Variants in CPNE4 observed in about 807,000 individuals in gnomAD.
CPNE4 encodes the protein copine 4.
In CPNE4, 25 loss-of-function variants were observed where a neutral mutation model predicts 67.9. The ratio of observed to expected loss-of-function variants is 0.37; its 90% CI spans 0.27 to 0.51. The LOEUF (loss-of-function observed/expected upper bound fraction) is 0.51. CPNE4 is among the 20% of genes least tolerant of loss of function. The pLI is 0.93. For synonymous variants in CPNE4, 242 were observed against 244.9 expected (o/e 0.99, Z 0.11); for missense variants, 464 against 690.8 (o/e 0.67, Z 3.68).
intron 1 of CPNE4, among the ~76,000 whole-genome samples, chr3:132,026,012 T>G (rs1021003457): frequency 6.6e-5 from 10 of 152,374 alleles, no homozygotes; most frequent in African/African-American, 2.4e-4. Flanking sequence ...ATATATGTTG[T>G]ATTACAGATA....
At chr3:131,994,564 A>G (rs369932874) in intron 1 of CPNE4, among the ~76,000 whole-genome samples, 34 of 152,320 alleles carry the variant, frequency 2.2e-4, no homozygotes, top group African/African-American at 7.7e-4. Context: ...TTTCACTTCC[A>G]GCCCTTCAAA....
chr3:131,968,014 A>T (rs1299319264), intron 1 of CPNE4, among the ~76,000 whole-genome samples: 2 of 152,230 alleles, frequency 1.3e-5, no homozygotes, highest in Non-Finnish European at 2.9e-5. Context: ...ACACATATAT[A>T]GACCAACGGA....
At chr3:131,768,643 T>C (rs2083085218) in intron 2 of CPNE4, among the ~76,000 whole-genome samples, 1 of 152,188 alleles carries the variant, frequency 6.6e-6, no homozygotes, top group Non-Finnish European at 1.5e-5. Flanking sequence ...TGGCTCCCTC[T>C]GATCAGCTGT....
intron 1 of CPNE4, among the ~76,000 whole-genome samples, chr3:131,989,194 G>A (rs921116580): frequency 6.6e-6 from 1 of 152,222 alleles, no homozygotes; most frequent in Non-Finnish European, 1.5e-5. Context: ...ATAAGAAGCA[G>A]ACCTGGATGC....
At chr3:131,856,551 G>A (rs1318779134) in intron 2 of CPNE4, among the ~76,000 whole-genome samples, 2 of 151,982 alleles carry the variant, frequency 1.3e-5, no homozygotes, top group Admixed American at 6.6e-5. Flanking sequence ...TAGAAGATGG[G>A]ATGTTCACAT....
At chr3:131,864,017 G>A in intron 2 of CPNE4, among the ~76,000 whole-genome samples, 1 of 152,034 alleles carries the variant, frequency 6.6e-6, no homozygotes, top group Non-Finnish European at 1.5e-5. Flanking sequence ...GATAGTTGTA[G>A]ATATGCGGCA....
chr3:131,819,491 TACACACACACACAC>T (rs5852655), intron 2 of CPNE4, among the ~76,000 whole-genome samples: 7 of 146,276 alleles, frequency 4.8e-5, no homozygotes, highest in South Asian at 2.2e-4. Context: ...CACACACAGA[TACACACACACACAC>T]ACACACACAC....
chr3:131,603,636 T>C (rs1939336322), intron 7 of CPNE4, among the ~76,000 whole-genome samples: 2 of 152,154 alleles, frequency 1.3e-5, no homozygotes, highest in South Asian at 4.1e-4. Flanking sequence ...GCTGTGCTAG[T>C]TCCAGAGCTC....
intron 1 of CPNE4, among the ~76,000 whole-genome samples, chr3:132,028,303 A>AT (rs2074158869): frequency 6.6e-6 from 1 of 152,154 alleles, no homozygotes; most frequent in African/African-American, 2.4e-5. Context: ...GACAAACCAA[A>AT]TATCTCCTTC....
At chr3:131,642,629 T>C (rs1184347980) in intron 7 of CPNE4, among the ~76,000 whole-genome samples, 1 of 152,172 alleles carries the variant, frequency 6.6e-6, no homozygotes, top group African/African-American at 2.4e-5. Flanking sequence ...TGGGAGGTAA[T>C]TGAATCGTGG....
At chr3:131,964,110 T>A (rs1237821649) in intron 1 of CPNE4, among the ~76,000 whole-genome samples, 1 of 151,984 alleles carries the variant, frequency 6.6e-6, no homozygotes, top group Non-Finnish European at 1.5e-5. Flanking sequence ...CCAGCAAACT[T>A]CAGCAGACCT....
At chr3:131,764,571 C>A (rs962876835) in intron 2 of CPNE4, among the ~76,000 whole-genome samples, 4 of 152,118 alleles carry the variant, frequency 2.6e-5, no homozygotes, top group Non-Finnish European at 5.9e-5. Context: ...TACATTCCCA[C>A]ATTCCTGCTA....
intron 3 of CPNE4, among the ~76,000 whole-genome samples, chr3:131,717,923 T>C (rs1053543005): frequency 1.4e-5 from 2 of 141,496 alleles, no homozygotes; most frequent in East Asian, 2.1e-4. Context: ...TCTTTCTTTC[T>C]TTCTTTCTTT....
intron 1 of CPNE4, among the ~76,000 whole-genome samples, chr3:131,925,973 T>C (rs2070882801): frequency 6.6e-6 from 1 of 152,190 alleles, no homozygotes; most frequent in South Asian, 2.1e-4. Context: ...TGATTCTTTC[T>C]TCTCTGCAGA....
intron 3 of CPNE4, among the ~76,000 whole-genome samples, chr3:131,704,833 C>T (rs1432515442): frequency 1.3e-5 from 2 of 152,140 alleles, no homozygotes; most frequent in Non-Finnish European, 1.5e-5. Context: ...TCTAAGGTCA[C>T]TTAGTGTTAT....
intron 2 of CPNE4, among the ~76,000 whole-genome samples, chr3:131,771,826 G>T (rs558074721): frequency 1.3e-5 from 2 of 152,208 alleles, no homozygotes; most frequent in East Asian, 3.9e-4. Flanking sequence ...ATCTGAAAAT[G>T]GCTTCATGTG....
At chr3:131,799,924 TGTGTG>T (rs2084038644) in intron 2 of CPNE4, among the ~76,000 whole-genome samples, 6 of 7,254 alleles carry the variant, frequency 8.3e-4, no homozygotes, top group African/African-American at 2.6e-3. Context: ...GTGTGTTGTG[TGTGTG>T]TGTGTGTGTG....
In CPNE4 at chr3:131,916,364, A is replaced by G. The variant is rs895406440; in HGVS notation, c.-1-10920T>C. Among the ~76,000 whole-genome samples, 46 of 152,076 alleles carry G rather than the reference A, an allele frequency of 3.0e-4. 1 individual carries two copies. The highest frequency in any genetic ancestry group is 1.1e-3 in the African/African-American group (46 of 41,484). On this transcript the variant is annotated intron_variant, in intron 1 of 15. Coordinates refer to ENST00000429747, the MANE Select transcript of CPNE4 (RefSeq NM_130808.3). ...TCCAGTTAGAAAAAAAAAAAAAAAA[A>G]AACAGAGCAGGATTATTCTTATGTT... is the stretch of plus-strand genomic sequence containing the variant.
chr3:132,011,578 C>A (rs920619286), intron 1 of CPNE4, among the ~76,000 whole-genome samples: 1 of 152,158 alleles, frequency 6.6e-6, no homozygotes, highest in Non-Finnish European at 1.5e-5. Flanking sequence ...AGTTCAGAAT[C>A]ATCATTTAAG....
Sources: gnomAD v4.1 joint callset for allele counts (sites outside exome capture counted in the v4.1 genomes callset) on GRCh38, gnomAD v4.1.1 for gene constraint, MANE v1.5 for transcripts, NCBI Gene and HGNC (gene_info 2026-07-23, HGNC 2026-07-21) for gene names.